Variants in TMX3 observed in about 807,000 individuals in gnomAD.
TMX3 encodes the protein thioredoxin related transmembrane protein 3.
In TMX3, 40 loss-of-function variants were observed where a neutral mutation model predicts 64.4. The observed-to-expected ratio is 0.62, with a 90% confidence interval of 0.48 to 0.81. The LOEUF (loss-of-function observed/expected upper bound fraction) is 0.81, where lower values mean the gene tolerates loss of function less well. TMX3 is among the 30% of genes least tolerant of loss of function. The pLI, the probability that TMX3 is intolerant of heterozygous loss-of-function variation, is 0.00. For missense variants in TMX3, 497 were observed against 534.5 expected (o/e 0.93, Z 0.69); for synonymous variants, 189 against 175.7 (o/e 1.08, Z -0.60).
Position 68,681,043 on chromosome 18 carries a change from G to C in TMX3, c.973C>G (p.Gln325Glu), listed in dbSNP as rs1444354970. 1 of 1,602,444 alleles carries C rather than the reference G, an allele frequency of 6.2e-7. No individual in the cohort carries two copies. The highest frequency in any genetic ancestry group is 8.5e-7 in the Non-Finnish European group (1 of 1,174,852). Residue 325 changes from glutamine (Q) to glutamate (E), a missense_variant, in exon 14 of 16, where the codon CAG (glutamine) becomes GAG (glutamate). By Grantham distance (29) the Gln-to-Glu change is conservative (BLOSUM62 2). Coordinates refer to ENST00000299608, the MANE Select transcript of TMX3 (RefSeq NM_019022.5). ...ACCATGTCTTCAACATTCTTAATCT[G>C]TCTATCTAGCAAGAAATATTGCTGG... is the stretch of plus-strand genomic sequence containing the variant. ...SNQQYFLLDRQIKNVEDMVQF... is the reference protein window; with the variant it reads ...SNQQYFLLDREIKNVEDMVQF...
chr18:68,710,296 G>T, intron 3 of TMX3, 152 bp from the exon 4 acceptor site: 1 of 748,502 alleles, frequency 1.3e-6, no homozygotes, highest in African/African-American at 1.8e-5. Context: ...TTTTAAAGTA[G>T]ATACATAATG....
Position 68,701,737 on chromosome 18 carries a change from C to G in TMX3, c.311+8G>C. ...AATACACATATAAACATACAACACT[C>G]AACTTACAGCTTAATTGTTGGATAA... On this transcript the variant is annotated splice_region_variant and intron_variant, in intron 5 of 15. Transcript: ENST00000299608. The G allele has an allele frequency of 6.2e-7, 1 of 1,611,704 alleles. No homozygotes were observed. The highest frequency in any genetic ancestry group is 8.5e-7 in the Non-Finnish European group (1 of 1,178,722).
intron 14 of TMX3, among the ~76,000 whole-genome samples, chr18:68,680,240 T>G (rs193165957): frequency 7.2e-4 from 110 of 152,280 alleles, no homozygotes; most frequent in African/African-American, 2.5e-3. Context: ...CTGAAACAAC[T>G]CTCAAAAACT....
intron 7 of TMX3, chr18:68,697,527 A>T (rs1009994884): frequency 1.0e-5 from 4 of 382,960 alleles, no homozygotes; most frequent in African/African-American, 8.3e-5. Context: ...AAAGTTCATT[A>T]AATATAACAC....
At chr18:68,710,366 C>T (rs920973121) in intron 3 of TMX3, among the ~76,000 whole-genome samples, 5 of 152,106 alleles carry the variant, frequency 3.3e-5, no homozygotes, top group Non-Finnish European at 7.4e-5. Flanking sequence ...ATCTTAAGCT[C>T]ATTTTAATTG....
chr18:68,710,066 C>T lies in TMX3; in HGVS notation c.220G>A (p.Gly74Ser). ...NEVGLEMKSI[G>S]SPVKVGKMDA... ...ATCTTTCCAACCTTAACTGGAGAACCAATGCTTTTCATCTCAAGACCAACT... is the reference window on the plus strand; with the variant it reads ...ATCTTTCCAACCTTAACTGGAGAACTAATGCTTTTCATCTCAAGACCAACT... Residue 74 changes from glycine (G) to serine (S), a missense_variant, in exon 4 of 16, where the codon GGT (glycine) becomes AGT (serine). Physicochemically the swap from Gly to Ser is moderately conservative, Grantham distance 56. This residue lies in a region of TMX3 where 360 missense variants were observed against 383.5 expected (regional missense o/e 0.94). Transcript: ENST00000299608. 1.2e-6 allele frequency: 2 copies of T among 1,601,176 alleles called. No homozygotes were observed. The highest frequency in any genetic ancestry group is 1.7e-6 in the Non-Finnish European group (2 of 1,174,106).
At chr18:68,687,957 A>T (rs1028778628) in intron 9 of TMX3, 192 bp from the exon 10 acceptor site, 7 of 364,746 alleles carry the variant, frequency 1.9e-5, no homozygotes, top group African/African-American at 8.4e-5. Context: ...TCTTCATTAT[A>T]GCATCATTAA....
At chr18:68,706,616 G>A (rs1187977148) in intron 4 of TMX3, among the ~76,000 whole-genome samples, 3 of 152,058 alleles carry the variant, frequency 2.0e-5, no homozygotes, top group East Asian at 1.9e-4. Context: ...CAGTGATACC[G>A]CAACTGTCTG....
intron 15 of TMX3, among the ~76,000 whole-genome samples, chr18:68,678,739 A>G (rs1393936701): frequency 2.6e-5 from 4 of 152,124 alleles, no homozygotes; most frequent in Admixed American, 2.6e-4. Flanking sequence ...AAAACAAGAG[A>G]GACGGGTAAT....
chr18:68,710,552 A>G (rs1019579703), intron 3 of TMX3, among the ~76,000 whole-genome samples: 3 of 152,092 alleles, frequency 2.0e-5, no homozygotes, highest in Non-Finnish European at 4.4e-5. Flanking sequence ...AAATGTCAAC[A>G]TAGTAGGTGA....
chr18:68,688,153 G>A (rs560259786), intron 9 of TMX3, among the ~76,000 whole-genome samples: 36 of 152,118 alleles, frequency 2.4e-4, no homozygotes, highest in Middle Eastern at 3.4e-3. Flanking sequence ...CTGTAACTTC[G>A]TAAAAGAAAG....
intron 12 of TMX3, among the ~76,000 whole-genome samples, chr18:68,683,212 C>G (rs1183558632): frequency 6.6e-6 from 1 of 152,036 alleles, no homozygotes; most frequent in Non-Finnish European, 1.5e-5. Context: ...AGAGGAAATT[C>G]TAAGACATTT....
Position 68,674,726 on chromosome 18 carries a change from C to A in TMX3, c.*2207G>T, listed in dbSNP as rs1335859379. ...GTCTGACAATGTAAATAAACATCTC[C>A]CAAAGTAGAGAAAAAAACAAAATTT... is the stretch of plus-strand genomic sequence containing the variant. On this transcript the variant is annotated 3_prime_UTR_variant, in exon 16 of 16. Coordinates refer to ENST00000299608, the MANE Select transcript of TMX3 (RefSeq NM_019022.5). 6.6e-6 allele frequency: 1 copy of A among 151,792 alleles called. No individual in the cohort carries two copies. The highest frequency in any genetic ancestry group is 1.9e-4 in the East Asian group (1 of 5,184). 9.4% of individuals were successfully genotyped at this position (151,792 alleles called of 1,614,324 possible). A position where few individuals can be genotyped will look rare whatever the true frequency, so the allele number is the denominator to read the frequency against.
chr18:68,695,896 C>T (rs1422015115), intron 8 of TMX3, among the ~76,000 whole-genome samples: 2 of 152,210 alleles, frequency 1.3e-5, no homozygotes, highest in African/African-American at 4.8e-5. Context: ...ACACTGCCCT[C>T]CACCCACTTC....
intron 12 of TMX3, among the ~76,000 whole-genome samples, chr18:68,683,342 T>C (rs928261040): frequency 2.0e-5 from 3 of 152,092 alleles, no homozygotes; most frequent in Non-Finnish European, 2.9e-5. Context: ...CTACATACTA[T>C]GTAAGAAAAC....
chr18:68,676,934 C>T lies in TMX3; in HGVS notation c.1364G>A (p.Ter455=). 6.2e-7 allele frequency: 1 copy of T among 1,610,880 alleles called. No homozygotes were observed. The highest frequency in any genetic ancestry group is 8.5e-7 in the Non-Finnish European group (1 of 1,179,030). ...CAAATATTTTATAGTCATCAAGTCT[C>T]AATCTTTCTTCTTTTCTAATACATC... The part of the protein sequence containing the change: ...PKDVLEKKKD[*] Residue 455 remains the stop codon, a stop_retained_variant, in exon 16 of 16, where the codon TGA becomes TAA. Coordinates refer to ENST00000299608, the MANE Select transcript of TMX3 (RefSeq NM_019022.5).
chr18:68,679,975 T>C (rs1568178491), intron 14 of TMX3, among the ~76,000 whole-genome samples: 1 of 152,094 alleles, frequency 6.6e-6, no homozygotes, highest in Non-Finnish European at 1.5e-5. Flanking sequence ...TATTCGGCCA[T>C]ACCTGCAATC....
Position 68,687,911 on chromosome 18 carries a change from CAAT to C in TMX3, c.638-149_638-147del, listed in dbSNP as rs1371211995. On this transcript the variant is annotated intron_variant, in intron 9 of 15. Transcript: ENST00000299608. ...TTTTTAGGAATTTATTGCAAGCATA[CAAT>C]CAAATGTACAGAAGGATTAATGCAC... 8.2e-6 allele frequency: 4 copies of C among 488,080 alleles called. No individual in the cohort carries two copies. The African/African-American group carries it at 1.0e-4, about 12-fold the overall frequency. 30.2% of individuals were successfully genotyped at this position (488,080 alleles called of 1,614,324 possible).
chr18:68,699,446 G>A (rs527745517), intron 6 of TMX3, among the ~76,000 whole-genome samples: 7 of 152,002 alleles, frequency 4.6e-5, no homozygotes, highest in South Asian at 2.1e-4. Flanking sequence ...AATGAAACAC[G>A]GTCGACAAGA....
Sources: allele counts gnomAD v4.1 joint callset (sites outside exome capture counted in the v4.1 genomes callset), GRCh38; gene constraint gnomAD v4.1.1; regional missense constraint gnomAD v4.1.1; transcripts MANE v1.5; gene names NCBI Gene and HGNC (gene_info 2026-07-23, HGNC 2026-07-21).